The following USP20 variants were observed in gnomAD, a reference collection of about 807,000 sequenced individuals.
The protein encoded by USP20 is ubiquitin carboxyl-terminal hydrolase 20.
USP20 carries 80 observed loss-of-function variants against 124.2 expected under a neutral mutation model. The observed-to-expected ratio is 0.64, with a 90% CI of 0.54 to 0.78. USP20 has a LOEUF of 0.78. USP20 is among the 30% of genes least tolerant of loss of function. The probability of loss-of-function intolerance (pLI) is 0.00; values close to 1 mark genes in which losing one functional copy is unlikely to be tolerated. For missense variants in USP20, 1,043 were observed against 1,244.4 expected (o/e 0.84, Z 2.44); for synonymous variants, 481 against 512.3 (o/e 0.94, Z 0.83).
chr9:129,877,691 C>T (rs1453972576), intron 22 of USP20, among the ~76,000 whole-genome samples: 1 of 152,000 alleles, frequency 6.6e-6, no homozygotes, highest in African/African-American at 2.4e-5. Flanking sequence ...AGTGAGACCA[C>T]CCCCCATCTC....
intron 3 of USP20, among the ~76,000 whole-genome samples, chr9:129,854,893 A>C (rs969760473): frequency 6.6e-6 from 1 of 152,160 alleles, no homozygotes; most frequent in African/African-American, 2.4e-5. Flanking sequence ...ATCTGGGTGT[A>C]GTGACAATGA....
At chr9:129,850,979 C>T (rs1265883707) in intron 2 of USP20, among the ~76,000 whole-genome samples, 1 of 152,072 alleles carries the variant, frequency 6.6e-6, no homozygotes, top group Non-Finnish European at 1.5e-5. Context: ...AAGACTCATG[C>T]AGTCACAGAG....
chr9:129,856,661 C>T (rs2033233845), intron 4 of USP20, among the ~76,000 whole-genome samples: 1 of 152,214 alleles, frequency 6.6e-6, no homozygotes, highest in South Asian at 2.1e-4. Context: ...TGTGAGTCAA[C>T]GTGGGTGTCT....
intron 21 of USP20, 67 bp from the exon 22 acceptor site, chr9:129,876,063 C>A: frequency 1.5e-6 from 2 of 1,371,218 alleles, no homozygotes; most frequent in Non-Finnish European, 2.0e-6. Context: ...AAGTGGAAGG[C>A]AGTGATCACT....
intron 15 of USP20, among the ~76,000 whole-genome samples, chr9:129,872,487 C>T (rs1040573326): frequency 2.6e-5 from 4 of 152,142 alleles, no homozygotes; most frequent in Non-Finnish European, 5.9e-5. Context: ...TGTCCAGATA[C>T]GTGACTTATA....
At chr9:129,842,288 C>T (rs546301847) in intron 1 of USP20, among the ~76,000 whole-genome samples, 9 of 152,120 alleles carry the variant, frequency 5.9e-5, no homozygotes, top group Admixed American at 1.3e-4. Context: ...CGTTACCTCC[C>T]GGGATAATGT....
chr9:129,876,579 C>T (rs1428671591), intron 22 of USP20, among the ~76,000 whole-genome samples: 9 of 149,884 alleles, frequency 6.0e-5, no homozygotes, highest in Non-Finnish European at 1.2e-4. Flanking sequence ...GCGGAGGTTT[C>T]AGTGAGCTGA....
At chr9:129,872,065 T>G (rs1179164457) in intron 15 of USP20, among the ~76,000 whole-genome samples, 1 of 152,216 alleles carries the variant, frequency 6.6e-6, no homozygotes, top group Non-Finnish European at 1.5e-5. Flanking sequence ...GTTAAGTGTC[T>G]TTTCATATGC....
At chr9:129,870,311 C>T (rs1025883874) in intron 14 of USP20, 142 bp from the exon 15 acceptor site, 1 of 821,930 alleles carries the variant, frequency 1.2e-6, no homozygotes, top group South Asian at 1.7e-5. Context: ...GGCCTCTGCC[C>T]CGACCCGCCG....
chr9:129,845,393 G>A (rs55748072), intron 1 of USP20, among the ~76,000 whole-genome samples: 23,669 of 152,066 alleles, frequency 0.16, 2,284 homozygotes, highest in African/African-American at 0.26. Context: ...AACAGTAACC[G>A]ATTTAGGTAT....
chr9:129,879,474 C>A lies in USP20; in HGVS notation c.2513-99C>A, dbSNP rs1263495125. 2 of 1,241,664 alleles carry A rather than the reference C, an allele frequency of 1.6e-6. No individual in the cohort carries two copies. Among genetic ancestry groups the A allele is most frequent in the East Asian group, 4.7e-5 (2 of 42,742 alleles). The allele number at this position is 1,241,664 out of a possible 1,614,324, so 76.9% of individuals were successfully genotyped here. ...TCATCCATTAGAGACTTCACGCTGA[C>A]CCCCAGGCCTGGGGCGGCCCCACTT... On this transcript the variant is annotated intron_variant, in intron 23 of 25. Coordinates refer to ENST00000372429, the MANE Select transcript of USP20 (RefSeq NM_001110303.4). This position sits in a 1 kb window ranked among gnomAD's most constrained non-coding sequence, Gnocchi z 4.2.
chr9:129,857,178 T>C (rs1192425142), intron 4 of USP20, among the ~76,000 whole-genome samples: 1 of 152,126 alleles, frequency 6.6e-6, no homozygotes, highest in Non-Finnish European at 1.5e-5. Context: ...CTCAGCCCTG[T>C]CACTCAGCAC....
At chr9:129,859,182 T>A (rs2033379239) in intron 6 of USP20, among the ~76,000 whole-genome samples, 1 of 151,212 alleles carries the variant, frequency 6.6e-6, no homozygotes, top group African/African-American at 2.4e-5. Context: ...TGGTCAGTAA[T>A]CCTGGATGGC....
chr9:129,844,804 A>G (rs1247410458), intron 1 of USP20, among the ~76,000 whole-genome samples: 1 of 148,890 alleles, frequency 6.7e-6, no homozygotes, highest in Non-Finnish European at 1.5e-5. Flanking sequence ...TATGAAAACC[A>G]GACAAAAATG....
At chr9:129,861,158 CGGA>C in intron 7 of USP20, 125 bp downstream of exon 7, 2 of 913,588 alleles carry the variant, frequency 2.2e-6, no homozygotes, top group Non-Finnish European at 3.4e-6. Flanking sequence ...GATGGGGTGA[CGGA>C]TAAGCTGTTT....
rs745754307 is a variant in USP20, at chr9:129,852,608, C to G, written c.53C>G (p.Thr18Ser). The change falls in exon 3 of 26, where the codon ACC (threonine) becomes AGC (serine). Residue 18 changes from threonine to serine, a missense_variant. Transcript: ENST00000372429. Reference protein sequence around the residue: ...CPHLDSIGEVTKEDLLLKSKG... With the variant: ...CPHLDSIGEVSKEDLLLKSKG... ...CACCTTGACTCCATAGGAGAGGTGA[C>G]CAAAGAGGACTTGCTGCTCAAATCT... The G allele has an allele frequency of 6.9e-5, 110 of 1,598,032 alleles. No homozygotes were observed. Among genetic ancestry groups the G allele is most frequent in the Non-Finnish European group, 9.3e-5 (109 of 1,171,532 alleles).
intron 3 of USP20, among the ~76,000 whole-genome samples, chr9:129,854,089 C>T (rs886438686): frequency 2.1e-4 from 32 of 152,196 alleles, no homozygotes; most frequent in Non-Finnish European, 3.8e-4. Context: ...CACTCTCATT[C>T]TTATGGATAT....
chr9:129,848,985 G>A lies in USP20; in HGVS notation c.-128-828G>A, dbSNP rs2032746756. 1.3e-5 allele frequency among the ~76,000 whole-genome samples: 2 copies of A among 152,232 alleles called. 1 individual carries two copies. The highest frequency in any genetic ancestry group is 4.1e-4 in the South Asian group (2 of 4,828). On this transcript the variant is annotated intron_variant, in intron 1 of 25. Transcript: ENST00000372429. ...ACCTGCCAGTGAAGTGTGGGTAGTGGCAATGTGTGGATGAGCCCGGTTGTG... is the reference window on the plus strand; with the variant it reads ...ACCTGCCAGTGAAGTGTGGGTAGTGACAATGTGTGGATGAGCCCGGTTGTG...
At chr9:129,854,554 G>C (rs2033111606) in intron 3 of USP20, among the ~76,000 whole-genome samples, 1 of 152,136 alleles carries the variant, frequency 6.6e-6, no homozygotes, top group African/African-American at 2.4e-5. Context: ...AATGTACGGA[G>C]GGAAATATTT....
Sources: allele counts gnomAD v4.1 joint callset (sites outside exome capture counted in the v4.1 genomes callset), GRCh38; gene constraint gnomAD v4.1.1; non-coding constraint Gnocchi (gnomAD v3.1); transcripts MANE v1.5; gene names NCBI Gene and HGNC (gene_info 2026-07-23, HGNC 2026-07-21).